Variants in SNX16 observed in about 807,000 individuals in gnomAD.
The protein encoded by SNX16 is sorting nexin 16.
In SNX16, 35 loss-of-function variants were observed where a neutral mutation model predicts 36.7. The ratio of observed to expected loss-of-function variants is 0.95; its 90% CI spans 0.73 to 1.27. The LOEUF is 1.27. SNX16 is among the 50% of genes most tolerant of loss of function. The pLI is 0.00. For synonymous variants in SNX16, 134 were observed against 132.0 expected, an observed-to-expected ratio of 1.02 and a Z score of -0.10; for missense variants, 367 against 393.6, an observed-to-expected ratio of 0.93 and a Z score of 0.57.
At chr8:81,833,857 T>C (rs1424118265) in intron 2 of SNX16, among the ~76,000 whole-genome samples, 19 of 152,234 alleles carry the variant, frequency 1.2e-4, no homozygotes. Context: ...TATATTCCAA[T>C]AACTGTTGTT....
intron 2 of SNX16, among the ~76,000 whole-genome samples, chr8:81,836,808 A>G (rs554328697): frequency 1.3e-5 from 2 of 152,366 alleles, no homozygotes; most frequent in African/African-American, 2.4e-5. Context: ...AAACATTGTC[A>G]GATCACATGA....
intron 5 of SNX16, among the ~76,000 whole-genome samples, chr8:81,806,633 T>G (rs2130600512): frequency 6.6e-6 from 1 of 152,324 alleles, no homozygotes; most frequent in East Asian, 1.9e-4. Context: ...AGGAAAAGGA[T>G]GCCCACCATA....
At chr8:81,828,822 G>T (rs1480913677) in intron 3 of SNX16, among the ~76,000 whole-genome samples, 1 of 152,146 alleles carries the variant, frequency 6.6e-6, no homozygotes, top group East Asian at 1.9e-4. Flanking sequence ...CTATGTACAA[G>T]GACTGGAGAG....
intron 5 of SNX16, among the ~76,000 whole-genome samples, chr8:81,804,578 T>G (rs13250611): frequency 0.37 from 55,407 of 151,600 alleles, 10,646 homozygotes; most frequent in Non-Finnish European, 0.42. Context: ...TAAAGCAGAA[T>G]CAAAAGCACA....
chr8:81,804,000 A>G (rs1042278626), intron 5 of SNX16, among the ~76,000 whole-genome samples: 11 of 151,948 alleles, frequency 7.2e-5, no homozygotes, highest in Non-Finnish European at 8.8e-5. Context: ...GAAGTTGCAA[A>G]TATCAAAATC....
chr8:81,807,911 G>A, intron 5 of SNX16: 1 of 768,752 alleles, frequency 1.3e-6, no homozygotes, highest in Non-Finnish European at 2.4e-6. Flanking sequence ...GCGGTAATGA[G>A]AAATCCAAAC....
intron 4 of SNX16, among the ~76,000 whole-genome samples, chr8:81,815,964 T>C (rs1267193980): frequency 1.6e-4 from 24 of 152,166 alleles, no homozygotes; most frequent in Admixed American, 1.6e-3. Flanking sequence ...AAAAATGATA[T>C]TGTTATGCTT....
chr8:81,837,141 A>G (rs1191671466), intron 2 of SNX16, among the ~76,000 whole-genome samples: 2 of 152,138 alleles, frequency 1.3e-5, no homozygotes, highest in East Asian at 1.9e-4. Flanking sequence ...ATTTCTCTCT[A>G]TAGTGCTTAT....
At chr8:81,803,547 C>T (rs1208886623) in intron 5 of SNX16, among the ~76,000 whole-genome samples, 1 of 151,720 alleles carries the variant, frequency 6.6e-6, no homozygotes, top group Non-Finnish European at 1.5e-5. Context: ...TTGGCAACTA[C>T]TGCTTTAGTT....
intron 4 of SNX16, among the ~76,000 whole-genome samples, chr8:81,821,967 C>T (rs1009054269): frequency 1.3e-5 from 2 of 152,260 alleles, no homozygotes; most frequent in East Asian, 3.9e-4. Context: ...CAAGAGAGAA[C>T]TGACCCCTAC....
Position 81,801,348 on chromosome 8 carries a change from T to C in SNX16, c.*149A>G. 2.3e-6 allele frequency: 1 copy of C among 429,238 alleles called. No individual in the cohort carries two copies. Among genetic ancestry groups the C allele is most frequent in the Non-Finnish European group, 4.1e-6 (1 of 243,824 alleles). 26.6% of individuals were successfully genotyped at this position (429,238 alleles called of 1,614,324 possible). ...TGAATATATTTCCTATCTCAATAAC[T>C]TAAAAAAACTTCTTTATGTAAACTT... On this transcript the variant is annotated 3_prime_UTR_variant, in exon 8 of 8. Coordinates refer to ENST00000345957, the MANE Select transcript of SNX16 (RefSeq NM_152836.3).
At chr8:81,840,755 T>C (rs940506515) in intron 1 of SNX16, among the ~76,000 whole-genome samples, 1 of 152,250 alleles carries the variant, frequency 6.6e-6, no homozygotes, top group Non-Finnish European at 1.5e-5. Flanking sequence ...AGGTCATCAC[T>C]AATTCTGCTC....
intron 5 of SNX16, among the ~76,000 whole-genome samples, chr8:81,806,708 T>C (rs1563431398): frequency 1.3e-5 from 2 of 152,002 alleles, no homozygotes; most frequent in Non-Finnish European, 2.9e-5. Context: ...AAATGAAAGA[T>C]ATTACGTATT....
chr8:81,814,176 C>A (rs1810380757), intron 5 of SNX16, among the ~76,000 whole-genome samples: 1 of 151,870 alleles, frequency 6.6e-6, no homozygotes, highest in Non-Finnish European at 1.5e-5. Context: ...CCAAGTATCC[C>A]TCAATGGGTG....
chr8:81,807,962 C>T lies in SNX16; in HGVS notation c.682-4734G>A, dbSNP rs562807658. 2.6e-4 allele frequency: 207 copies of T among 788,826 alleles called. 3 individuals are homozygous for T. In the South Asian group the frequency reaches 2.7e-3, roughly 10 times the overall value. 48.9% of individuals were successfully genotyped at this position (788,826 alleles called of 1,614,324 possible). A position where few individuals can be genotyped will look rare whatever the true frequency, so the allele number is the denominator to read the frequency against. On this transcript the variant is annotated intron_variant, in intron 5 of 7. Transcript: ENST00000345957. ...GGCTTTGGGTTTGTCACATATGCCA[C>T]TGTGGGGGAGGTGGATGCAGCCGTG...
Position 81,829,536 on chromosome 8 carries a change from C to G in SNX16, c.376-20G>C. ...ATATACCTATGCACAGGAAGAAAAA[C>G]AGACGGAGAGAAAAATATAAAAGTA... On this transcript the variant is annotated intron_variant, in intron 2 of 7. Coordinates refer to ENST00000345957, the MANE Select transcript of SNX16 (RefSeq NM_152836.3). 2 of 1,082,678 alleles carry G rather than the reference C, an allele frequency of 1.8e-6. No homozygotes were observed. The highest frequency in any genetic ancestry group is 2.5e-6 in the Non-Finnish European group (2 of 793,048). The allele number at this position is 1,082,678 out of a possible 1,614,324, so 67.1% of individuals were successfully genotyped here.
In SNX16 at chr8:81,839,687, T is replaced by C. The variant is rs994195485; in HGVS notation, c.300A>G (p.Thr100=). 6.2e-6 allele frequency: 10 copies of C among 1,613,772 alleles called. No individual in the cohort carries two copies. The highest frequency in any genetic ancestry group is 1.6e-4 in the Middle Eastern group (1 of 6,078). ...PRDTEEQNPE[T]VNWEDRPSTP... is the part of the protein sequence containing the mutation. The stretch of plus-strand genomic sequence containing the variant: ...TAGATGGTCTATCTTCCCAATTCAC[T>C]GTTTCCGGATTTTGTTCTTCAGTGT... The change falls in exon 2 of 8, where the codon ACA becomes ACG. Residue 100 remains threonine (T), a synonymous_variant. Coordinates refer to ENST00000345957, the MANE Select transcript of SNX16 (RefSeq NM_152836.3).
chr8:81,818,341 A>G (rs970198627), intron 4 of SNX16, among the ~76,000 whole-genome samples: 1 of 152,104 alleles, frequency 6.6e-6, no homozygotes, highest in Non-Finnish European at 1.5e-5. Context: ...TTTTTAAATT[A>G]AAAAAATAAA....
rs1810365969 is a variant in SNX16, at chr8:81,813,792, C to T, written c.681+1533G>A. ...TGAACAGACATTTCATTGAAGAAAA[C>T]ATGAATGGCTAAAAAGCATGTGGCA... On this transcript the variant is annotated intron_variant, in intron 5 of 7. Coordinates refer to ENST00000345957, the MANE Select transcript of SNX16 (RefSeq NM_152836.3). Among the ~76,000 whole-genome samples the T allele has an allele frequency of 2.0e-5, 3 of 151,644 alleles. No individual in the cohort carries two copies. In the South Asian group the frequency reaches 6.2e-4, roughly 31 times the overall value.
Sources: gnomAD v4.1 joint callset for allele counts (sites outside exome capture counted in the v4.1 genomes callset) on GRCh38, gnomAD v4.1.1 for gene constraint, MANE v1.5 for transcripts, NCBI Gene and HGNC (gene_info 2026-07-23, HGNC 2026-07-21) for gene names.